ABCC4: variants seen among roughly 807,000 people sequenced by gnomAD.
The protein encoded by ABCC4 is ATP-binding cassette sub-family C member 4.
Under a neutral mutation model 168.5 loss-of-function variants are expected in ABCC4, and 102 were observed. The observed-to-expected ratio is 0.61, with a 90% confidence interval of 0.52 to 0.71. The LOEUF (loss-of-function observed/expected upper bound fraction) is 0.71. ABCC4 is among the 30% of genes least tolerant of loss of function. The pLI is 0.00. For synonymous variants in ABCC4, 617 were observed against 590.7 expected, an observed-to-expected ratio of 1.04 and a Z score of -0.65; for missense variants, 1,402 against 1,605.8, an observed-to-expected ratio of 0.87 and a Z score of 2.17.
At chr13:95,245,593 C>T (rs1014261743) in intron 3 of ABCC4, among the ~76,000 whole-genome samples, 36 of 152,184 alleles carry the variant, frequency 2.4e-4, no homozygotes, top group Admixed American at 2.0e-3. Flanking sequence ...TCAGTTCCAC[C>T]GGTTATTCTG....
intron 14 of ABCC4, among the ~76,000 whole-genome samples, chr13:95,168,928 A>G (rs1021324984): frequency 6.6e-6 from 1 of 152,136 alleles, no homozygotes; most frequent in Non-Finnish European, 1.5e-5. Flanking sequence ...TGCAGATACA[A>G]TCAAGACAAG....
At chr13:95,039,771 C>A (rs1593988634) in intron 29 of ABCC4, among the ~76,000 whole-genome samples, 1 of 152,158 alleles carries the variant, frequency 6.6e-6, no homozygotes, top group African/African-American at 2.4e-5. Context: ...CAATTTAATC[C>A]ATTTAATTGG....
chr13:95,194,929 C>G lies in ABCC4; in HGVS notation c.1170G>C (p.Leu390Phe). 6.2e-7 allele frequency: 1 copy of G among 1,612,700 alleles called. No individual in the cohort carries two copies. The highest frequency in any genetic ancestry group is 1.1e-5 in the South Asian group (1 of 90,582). The part of the protein sequence containing the change: ...IVSIRRIQTF[L>F]LLDEISQRNR... ...TGCGCTGTGATATCTCATCAAGTAG[C>G]AAAAAGGTCTAAAGAAAATGGGAAA... The change falls in exon 9 of 31, where the codon TTG becomes TTC. Residue 390 changes from leucine to phenylalanine, a missense_variant. By Grantham distance (22) the Leu-to-Phe change is conservative. Coordinates refer to ENST00000645237, the MANE Select transcript of ABCC4 (RefSeq NM_005845.5).
intron 1 of ABCC4, 40 bp from the exon 2 acceptor site, chr13:95,247,793 C>T (rs746094749): frequency 9.1e-6 from 14 of 1,542,020 alleles, no homozygotes; most frequent in Middle Eastern, 1.7e-4. Flanking sequence ...CAGAATTACA[C>T]ATCCGTGTTT....
chr13:95,163,361 T>C (rs777779564), intron 17 of ABCC4, 145 bp from the exon 18 acceptor site: 8 of 671,848 alleles, frequency 1.2e-5, no homozygotes, highest in South Asian at 2.0e-5. Context: ...ATATCTACCT[T>C]ATAAAAATTC....
At chr13:95,202,453 C>CT (rs1218933512) in intron 8 of ABCC4, among the ~76,000 whole-genome samples, 2 of 152,154 alleles carry the variant, frequency 1.3e-5, no homozygotes, top group Non-Finnish European at 2.9e-5. Flanking sequence ...CCTCCAGACA[C>CT]TAAGTCCAAT....
In ABCC4 at chr13:95,273,361, G is replaced by A. The variant is rs4148429; in HGVS notation, c.75-25608C>T. Among the ~76,000 whole-genome samples, 312 of 152,304 alleles carry A rather than the reference G, an allele frequency of 2.0e-3. 16 individuals are homozygous for A. The East Asian group carries it at 0.055, about 27-fold the overall frequency. Reference sequence around the variant, plus strand: ...CGCAGCTCTGTCGGCCTGGATGGGCGTGGGGTCCCAAATAACACCCTCTAG... The same window carrying A: ...CGCAGCTCTGTCGGCCTGGATGGGCATGGGGTCCCAAATAACACCCTCTAG... On this transcript the variant is annotated intron_variant, in intron 1 of 30. Coordinates refer to ENST00000645237, the MANE Select transcript of ABCC4 (RefSeq NM_005845.5).
chr13:95,239,817 T>C (rs2039881097), intron 3 of ABCC4, among the ~76,000 whole-genome samples: 1 of 152,210 alleles, frequency 6.6e-6, no homozygotes, highest in South Asian at 2.1e-4. Context: ...AGGTGTACTG[T>C]AACTCAGAGT....
intron 19 of ABCC4, among the ~76,000 whole-genome samples, chr13:95,158,140 T>C (rs531690009): frequency 2.1e-4 from 32 of 151,608 alleles, no homozygotes; most frequent in Non-Finnish European, 3.5e-4. Context: ...CAGGTTTACC[T>C]TCCCCTTCTC....
At chr13:95,124,870 T>G (rs1454022764) in intron 19 of ABCC4, among the ~76,000 whole-genome samples, 1 of 150,466 alleles carries the variant, frequency 6.6e-6, no homozygotes, top group Non-Finnish European at 1.5e-5. Flanking sequence ...AGAGTGAGAC[T>G]TGATCTCAAA....
intron 8 of ABCC4, among the ~76,000 whole-genome samples, chr13:95,202,644 C>CTTTTTTTT (rs10603210): frequency 1.2e-4 from 11 of 93,064 alleles, no homozygotes; most frequent in Non-Finnish European, 1.9e-4. Context: ...AGAATGTGCA[C>CTTTTTTTT]TTTTTTTTTT....
intron 21 of ABCC4, among the ~76,000 whole-genome samples, chr13:95,077,384 G>A (rs2033942806): frequency 6.6e-6 from 1 of 151,920 alleles, no homozygotes; most frequent in South Asian, 2.1e-4. Context: ...TGTCACCCAG[G>A]CTTGAGTGCA....
intron 1 of ABCC4, among the ~76,000 whole-genome samples, chr13:95,278,819 A>C (rs1352957876): frequency 6.7e-6 from 1 of 150,166 alleles, no homozygotes; most frequent in Non-Finnish European, 1.5e-5. Flanking sequence ...AAAAAAAAAA[A>C]AAAAAAAAAA....
chr13:95,042,785 C>G (rs748969173), intron 29 of ABCC4, among the ~76,000 whole-genome samples: 1 of 152,192 alleles, frequency 6.6e-6, no homozygotes, highest in Non-Finnish European at 1.5e-5. Flanking sequence ...TGCTTGCTGT[C>G]TCTCTAACTA....
chr13:95,193,578 T>C (rs1228923983), intron 9 of ABCC4, among the ~76,000 whole-genome samples: 3 of 152,246 alleles, frequency 2.0e-5, no homozygotes, highest in Non-Finnish European at 2.9e-5. Flanking sequence ...CCATGCTGTG[T>C]GTTCTGTTTT....
intron 19 of ABCC4, among the ~76,000 whole-genome samples, chr13:95,137,220 C>T (rs1439252433): frequency 2.6e-5 from 4 of 152,192 alleles, no homozygotes; most frequent in African/African-American, 9.7e-5. Flanking sequence ...TAAGCCAGAT[C>T]ACTGGTCTTT....
At chr13:95,068,564 G>A (rs2033624876) in intron 25 of ABCC4, among the ~76,000 whole-genome samples, 1 of 152,168 alleles carries the variant, frequency 6.6e-6, no homozygotes, top group African/African-American at 2.4e-5. Context: ...GGCAGAATGA[G>A]CCAAGATTGC....
chr13:95,273,901 C>T (rs1328571836), intron 1 of ABCC4, among the ~76,000 whole-genome samples: 1 of 150,764 alleles, frequency 6.6e-6, no homozygotes, highest in Non-Finnish European at 1.5e-5. Context: ...CTGCAGGCTC[C>T]GCCCCCCGGG....
At position 95,125,599 on chromosome 13, in the gene ABCC4, A is replaced by C. The variant is rs993574853; in HGVS notation, c.2456-9598T>G. On this transcript the variant is annotated intron_variant, in intron 19 of 30. Coordinates refer to ENST00000645237, the MANE Select transcript of ABCC4 (RefSeq NM_005845.5). ...AATAAAAGGCAGAATTAATTAGGAAAGTCCAGGGGCTCCAGTTCTACCTCA... is the reference window on the plus strand; with the variant it reads ...AATAAAAGGCAGAATTAATTAGGAACGTCCAGGGGCTCCAGTTCTACCTCA... Among the ~76,000 whole-genome samples, 12 of 152,356 alleles carry C rather than the reference A, an allele frequency of 7.9e-5. No individual in the cohort carries two copies. The East Asian group carries it at 2.3e-3, about 29-fold the overall frequency.
Sources: gnomAD v4.1 joint callset for allele counts (sites outside exome capture counted in the v4.1 genomes callset) on GRCh38, gnomAD v4.1.1 for gene constraint, MANE v1.5 for transcripts, NCBI Gene and HGNC (gene_info 2026-07-23, HGNC 2026-07-21) for gene names.